Variants in KCNQ1OT1 observed in about 807,000 individuals in gnomAD.
KCNQ1OT1 encodes the protein KCNQ1 opposite strand/antisense transcript 1, also known as KCNQ1 antisense RNA 2 (non-protein coding).
At position 2,687,652 on chromosome 11, in the gene KCNQ1OT1, T is replaced by G. The variant is rs555168737; in HGVS notation, n.12343A>C. The G allele has an allele frequency of 1.5e-5, 6 of 398,678 alleles. No individual in the cohort carries two copies. Among genetic ancestry groups the G allele is most frequent in the African/African-American group, 1.0e-4 (5 of 48,738 alleles). The allele number at this position is 398,678 out of a possible 1,614,324, so 24.7% of individuals were successfully genotyped here. On this transcript the variant is annotated non_coding_transcript_exon_variant, in exon 1 of 1. Coordinates refer to ENST00000597346, the Ensembl canonical transcript of KCNQ1OT1. The surrounding 1 kb of genome is among the most constrained non-coding windows in gnomAD (Gnocchi z 5.0). ...TCAGGCCCCTGTAAAAATTGGGACCTGTCCTTGCCAGCCAGGTCTCAGGGA... is the reference window on the plus strand; with the variant it reads ...TCAGGCCCCTGTAAAAATTGGGACCGGTCCTTGCCAGCCAGGTCTCAGGGA...
rs74046840 is a variant in KCNQ1OT1 at position 2,667,101 on chromosome 11, A to C, written n.32894T>G. ...ATTAAATGTTCTTCTAATTAAATTA[A>C]AACCGAGGCGTAATGGCTCAGTGGG... On this transcript the variant is annotated non_coding_transcript_exon_variant, in exon 1 of 1. Coordinates refer to ENST00000597346, the Ensembl canonical transcript of KCNQ1OT1. 1,534 of 398,630 alleles carry C rather than the reference A, an allele frequency of 3.8e-3. 18 individuals carry two copies. Among genetic ancestry groups the C allele is most frequent in the African/African-American group, 0.028 (1,386 of 48,748 alleles). The allele number at this position is 398,630 out of a possible 1,614,324, so 24.7% of individuals were successfully genotyped here.
exon 1 of KCNQ1OT1, chr11:2,686,151 G>C (rs1276574726): frequency 2.5e-6 from 1 of 398,758 alleles, no homozygotes; most frequent in Non-Finnish European, 4.4e-6. Flanking sequence ...TCTGGGGTTT[G>C]CTTCGCCTTT....
chr11:2,632,994 A>G (rs1849387743), exon 1 of KCNQ1OT1: 1 of 398,514 alleles, frequency 2.5e-6, no homozygotes, highest in Non-Finnish European at 4.4e-6. Context: ...AAAACACCAC[A>G]GTATTTTCCA....
chr11:2,665,186 T>G (rs1197801721), exon 1 of KCNQ1OT1: 1 of 398,544 alleles, frequency 2.5e-6, no homozygotes, highest in East Asian at 3.6e-5. Context: ...GGACTCAGCC[T>G]CGAACACACC....
At chr11:2,629,038 T>C (rs1473761110) in exon 1 of KCNQ1OT1, 3 of 398,246 alleles carry the variant, frequency 7.5e-6, no homozygotes, top group Non-Finnish European at 1.3e-5. Flanking sequence ...TCTTTCACTT[T>C]GTTCTTATTG....
Position 2,620,224 on chromosome 11 carries a change from A to ATT in KCNQ1OT1, n.79769_79770dup, listed in dbSNP as rs1346302503. On this transcript the variant is annotated non_coding_transcript_exon_variant, in exon 1 of 1. Coordinates refer to ENST00000597346, the Ensembl canonical transcript of KCNQ1OT1. The surrounding 1 kb of genome is among the most constrained non-coding windows in gnomAD (Gnocchi z 4.5). Reference sequence around the variant, plus strand: ...GTATATATATATATTTTTTTTTTTTATTTTTTTTTTAGACGGAGTTTCGCT... The same window carrying ATT: ...GTATATATATATATTTTTTTTTTTTATTTTTTTTTTTTAGACGGAGTTTCGCT... 7 of 225,942 alleles carry ATT rather than the reference A, an allele frequency of 3.1e-5. No homozygotes were observed. Among genetic ancestry groups the ATT allele is most frequent in the African/African-American group, 8.3e-5 (3 of 36,124 alleles). 14.0% of individuals were successfully genotyped at this position (225,942 alleles called of 1,614,324 possible).
rs1245146762 is a variant in KCNQ1OT1, at chr11:2,677,886, C to G, written n.22109G>C. On this transcript the variant is annotated non_coding_transcript_exon_variant, in exon 1 of 1. Coordinates refer to ENST00000597346, the Ensembl canonical transcript of KCNQ1OT1. The surrounding 1 kb of genome is among the most constrained non-coding windows in gnomAD (Gnocchi z 4.5). ...TGACTGCACAAATGCACTTTCTTCC[C>G]CCACCCTTACCAAGTGTATACTCAG... The G allele has an allele frequency of 2.5e-6, 1 of 398,512 alleles. No individual in the cohort carries two copies. Among genetic ancestry groups the G allele is most frequent in the Non-Finnish European group, 4.4e-6 (1 of 226,032 alleles). 24.7% of individuals were successfully genotyped at this position (398,512 alleles called of 1,614,324 possible).
chr11:2,685,811 G>A (rs1850478471), exon 1 of KCNQ1OT1: 2 of 398,546 alleles, frequency 5.0e-6, no homozygotes, highest in South Asian at 2.5e-4. Flanking sequence ...CTGAGAATGC[G>A]ATTCCTACTA....
At chr11:2,629,119 T>A (rs765681145) in exon 1 of KCNQ1OT1, 1 of 398,314 alleles carries the variant, frequency 2.5e-6, no homozygotes, top group Non-Finnish European at 4.4e-6. Flanking sequence ...TTTGTCTATA[T>A]CTGTGAAAAA....
chr11:2,661,810 A>C lies in KCNQ1OT1; in HGVS notation n.38185T>G, dbSNP rs2133855701. Reference sequence around the variant, plus strand: ...GCCATCTTAAACACCCACCCACCCCAACACCCAACTATAAAACTGATTGTC... The same window carrying C: ...GCCATCTTAAACACCCACCCACCCCCACACCCAACTATAAAACTGATTGTC... On this transcript the variant is annotated non_coding_transcript_exon_variant, in exon 1 of 1. Coordinates refer to ENST00000597346, the Ensembl canonical transcript of KCNQ1OT1. The surrounding 1 kb of genome is among the most constrained non-coding windows in gnomAD (Gnocchi z 5.9). The C allele has an allele frequency of 1.1e-6, 1 of 909,832 alleles. No individual in the cohort carries two copies. The highest frequency in any genetic ancestry group is 1.7e-6 in the Non-Finnish European group (1 of 574,192). The allele number at this position is 909,832 out of a possible 1,614,324, so 56.4% of individuals were successfully genotyped here.
exon 1 of KCNQ1OT1, chr11:2,629,154 T>C (rs1849310591): frequency 5.0e-6 from 2 of 398,366 alleles, no homozygotes; most frequent in Non-Finnish European, 8.9e-6. Context: ...TTGATAGGCA[T>C]TGCCTTGAAT....
In KCNQ1OT1 at chr11:2,654,558, C is replaced by T. The variant is rs1214491736; in HGVS notation, n.45437G>A. 8 of 398,334 alleles carry T rather than the reference C, an allele frequency of 2.0e-5. No individual in the cohort carries two copies. Among genetic ancestry groups the T allele is most frequent in the Middle Eastern group, 6.3e-4 (1 of 1,588 alleles). The allele number at this position is 398,334 out of a possible 1,614,324, so 24.7% of individuals were successfully genotyped here. On this transcript the variant is annotated non_coding_transcript_exon_variant, in exon 1 of 1. Transcript: ENST00000597346. This position sits in a 1 kb window ranked among gnomAD's most constrained non-coding sequence, Gnocchi z 6.4. Reference sequence around the variant, plus strand: ...TTGGGTTACACCTGGGAGATTAGGCCGGATTTTAATCAATCAGGAGGGGAA... The same window carrying T: ...TTGGGTTACACCTGGGAGATTAGGCTGGATTTTAATCAATCAGGAGGGGAA...
At chr11:2,662,965 C>G (rs1849995455) in exon 1 of KCNQ1OT1, 1 of 398,608 alleles carries the variant, frequency 2.5e-6, no homozygotes, top group Non-Finnish European at 4.4e-6. Flanking sequence ...GGCCTCCTGC[C>G]TTTGCAGCCA....
exon 1 of KCNQ1OT1, chr11:2,681,251 T>A (rs1257177626): frequency 5.0e-6 from 2 of 398,464 alleles, no homozygotes; most frequent in Non-Finnish European, 8.8e-6. Flanking sequence ...TATTCCTGCC[T>A]CCCCAGGAGA....
chr11:2,626,165 T>C lies in KCNQ1OT1; in HGVS notation n.73830A>G, dbSNP rs925805454. On this transcript the variant is annotated non_coding_transcript_exon_variant, in exon 1 of 1. Coordinates refer to ENST00000597346, the Ensembl canonical transcript of KCNQ1OT1. The surrounding 1 kb of genome is among the most constrained non-coding windows in gnomAD (Gnocchi z 4.0). ...CCAATGATGTAAAGTTTTTCCCCTA[T>C]GTTTCCTTATAAGACTTCATAGTTT... 12 of 385,918 alleles carry C rather than the reference T, an allele frequency of 3.1e-5. No homozygotes were observed. Among genetic ancestry groups the C allele is most frequent in the Non-Finnish European group, 5.3e-5 (12 of 225,938 alleles). The allele number at this position is 385,918 out of a possible 1,614,324, so 23.9% of individuals were successfully genotyped here. A position where few individuals can be genotyped will look rare whatever the true frequency, so the allele number is the denominator to read the frequency against.
In KCNQ1OT1 at chr11:2,663,496, G is replaced by T; in HGVS notation, n.36499C>A. The T allele has an allele frequency of 2.5e-6, 1 of 398,680 alleles. No homozygotes were observed. The highest frequency in any genetic ancestry group is 1.3e-4 in the South Asian group (1 of 7,854). 24.7% of individuals were successfully genotyped at this position (398,680 alleles called of 1,614,324 possible). On this transcript the variant is annotated non_coding_transcript_exon_variant, in exon 1 of 1. Coordinates refer to ENST00000597346, the Ensembl canonical transcript of KCNQ1OT1. The surrounding 1 kb of genome is among the most constrained non-coding windows in gnomAD (Gnocchi z 5.2). The stretch of plus-strand genomic sequence containing the variant: ...GGCTCATGTTGTGTGCAATACAGGT[G>T]GCAGTGCCTGTATTGCCTCTTGGCT...
chr11:2,681,882 T>C (rs1030181992), exon 1 of KCNQ1OT1: 1 of 398,380 alleles, frequency 2.5e-6, no homozygotes, highest in Non-Finnish European at 4.4e-6. Context: ...ACCATCTAGG[T>C]GGGGAGAAAA....
At chr11:2,616,689 A>C in exon 1 of KCNQ1OT1, 2 of 398,084 alleles carry the variant, frequency 5.0e-6, no homozygotes, top group East Asian at 7.1e-5. Context: ...TGAATTTGTT[A>C]ATTTTTAGGT....
Position 2,626,372 on chromosome 11 carries a change from C to T in KCNQ1OT1, n.73623G>A, listed in dbSNP as rs1421013578. On this transcript the variant is annotated non_coding_transcript_exon_variant, in exon 1 of 1. Coordinates refer to ENST00000597346, the Ensembl canonical transcript of KCNQ1OT1. This position sits in a 1 kb window ranked among gnomAD's most constrained non-coding sequence, Gnocchi z 4.0. ...ATCCTGGCACCATTTGTTGAAAATA[C>T]AGCACTTTCCCTATTGAATGGTCTT... The T allele has an allele frequency of 1.3e-5, 5 of 398,488 alleles. No individual in the cohort carries two copies. In the East Asian group the frequency reaches 1.8e-4, roughly 14 times the overall value. The allele number at this position is 398,488 out of a possible 1,614,324, so 24.7% of individuals were successfully genotyped here.
Sources: allele counts gnomAD v4.1 joint callset, GRCh38; gene constraint gnomAD v4.1.1; non-coding constraint Gnocchi (gnomAD v3.1); transcripts MANE v1.5; gene names NCBI Gene and HGNC (gene_info 2026-07-23, HGNC 2026-07-21).